ACACB: variants seen among roughly 807,000 people sequenced by gnomAD.
ACACB encodes acetyl-CoA carboxylase 2.
ACACB carries 209 observed loss-of-function variants against 278.8 expected under a neutral mutation model. That is an observed-to-expected ratio of 0.75 (90% CI 0.67 to 0.84). The LOEUF is 0.84. ACACB is among the 40% of genes least tolerant of loss of function. ACACB has a pLI of 0.00. For synonymous variants in ACACB, 1,174 were observed against 1,285.6 expected, an observed-to-expected ratio of 0.91 and a Z score of 1.86; for missense variants, 2,850 against 3,269.0, an observed-to-expected ratio of 0.87 and a Z score of 3.13.
At chr12:109,214,850 C>A (rs1299676827) in intron 22 of ACACB, among the ~76,000 whole-genome samples, 1 of 152,172 alleles carries the variant, frequency 6.6e-6, no homozygotes, top group Non-Finnish European at 1.5e-5. Flanking sequence ...ATAATCCCAG[C>A]ACTTTGGGAG....
intron 16 of ACACB, among the ~76,000 whole-genome samples, chr12:109,194,511 C>CGTGTGTGTGTGTGTGTGT (rs529461816): frequency 1.8e-5 from 1 of 54,282 alleles, no homozygotes; most frequent in Non-Finnish European, 3.8e-5. Flanking sequence ...TCTGTGTGTG[C>CGTGTGTGTGTGTGTGTGT]ATGTGTGTGT....
chr12:109,265,221 C>T lies in ACACB; in HGVS notation c.7054C>T (p.His2352Tyr), dbSNP rs200707789. The T allele has an allele frequency of 1.2e-6, 2 of 1,613,580 alleles. No individual in the cohort carries two copies. The highest frequency in any genetic ancestry group is 2.7e-5 in the African/African-American group (2 of 74,940). ...EILQASGELS[H>Y]VHIQSMLRRW... is the part of the protein sequence containing the mutation. ...CCTGCAGGCCAGCGGGGAGCTGAGT[C>T]ACGTGCATATCCAGTCCATGCTGCG... Residue 2352 changes from histidine (H) to tyrosine (Y), a missense_variant, in exon 51 of 53, where the codon CAC becomes TAC. His to Tyr is a moderately conservative substitution (Grantham distance 83). This residue lies in a region of ACACB where 579 missense variants were observed against 684.6 expected (regional missense o/e 0.85). Coordinates refer to ENST00000338432, the MANE Select transcript of ACACB (RefSeq NM_001093.4).
chr12:109,171,463 C>A (rs1020723979), intron 4 of ACACB, among the ~76,000 whole-genome samples: 3 of 152,246 alleles, frequency 2.0e-5, no homozygotes, highest in Non-Finnish European at 4.4e-5. Context: ...GATTCTCCTA[C>A]CTCAGCCTCC....
At chr12:109,137,638 C>T (rs976133699) in intron 1 of ACACB, among the ~76,000 whole-genome samples, 18 of 149,720 alleles carry the variant, frequency 1.2e-4, no homozygotes, top group African/African-American at 3.0e-4. Flanking sequence ...CCCACCTGGG[C>T]GACAGGGTCA....
chr12:109,251,690 G>GT (rs1029056358), intron 41 of ACACB, among the ~76,000 whole-genome samples: 4 of 152,134 alleles, frequency 2.6e-5, no homozygotes, highest in Non-Finnish European at 4.4e-5. Context: ...AATTTCACCA[G>GT]TTTTTACATG....
chr12:109,126,997 T>A (rs945057827), intron 1 of ACACB, among the ~76,000 whole-genome samples: 6 of 152,222 alleles, frequency 3.9e-5, no homozygotes, highest in Admixed American at 1.3e-4. Flanking sequence ...AGAGATGTAG[T>A]AATCTTTTGC....
intron 34 of ACACB, 116 bp downstream of exon 34, chr12:109,237,496 C>A: frequency 9.1e-7 from 1 of 1,103,088 alleles, no homozygotes; most frequent in Non-Finnish European, 1.3e-6. Context: ...CACCAACACC[C>A]AGGGTCCTGC....
chr12:109,237,039 A>G (rs544347432), intron 33 of ACACB, 126 bp from the exon 34 acceptor site: 3 of 897,458 alleles, frequency 3.3e-6, no homozygotes, highest in East Asian at 4.8e-5. Context: ...TGAATGCTGC[A>G]TTCCTGAGTG....
At chr12:109,156,354 A>AC (rs770578636) in intron 2 of ACACB, among the ~76,000 whole-genome samples, 13 of 151,560 alleles carry the variant, frequency 8.6e-5, no homozygotes, top group East Asian at 5.8e-4. Flanking sequence ...ACATAGTGAG[A>AC]CCCCCATCTC....
chr12:109,166,801 G>A lies in ACACB; in HGVS notation c.654-60G>A, dbSNP rs114166382. ...CTGCTCCACTGGCTTTACAGGTGCC[G>A]AGCTCTGAGTCCCAGGCTTCTTCCC... is the stretch of plus-strand genomic sequence containing the variant. On this transcript the variant is annotated intron_variant, in intron 2 of 52. Transcript: ENST00000338432. 750 of 1,610,706 alleles carry A rather than the reference G, an allele frequency of 4.7e-4. 7 individuals are homozygous for A. The African/African-American group carries it at 8.7e-3, about 19-fold the overall frequency.
At chr12:109,158,573 G>T (rs1206434738) in intron 2 of ACACB, among the ~76,000 whole-genome samples, 1 of 152,190 alleles carries the variant, frequency 6.6e-6, no homozygotes, top group African/African-American at 2.4e-5. Context: ...CTACTCAGGA[G>T]GCTGAGGTGG....
intron 2 of ACACB, among the ~76,000 whole-genome samples, chr12:109,156,460 C>T (rs944049620): frequency 1.3e-5 from 2 of 149,986 alleles, no homozygotes; most frequent in Non-Finnish European, 3.0e-5. Context: ...CCTGGGAGAT[C>T]GAGGCTGTAG....
At chr12:109,211,110 C>T (rs2045833130) in intron 21 of ACACB, among the ~76,000 whole-genome samples, 2 of 152,018 alleles carry the variant, frequency 1.3e-5, no homozygotes, top group Non-Finnish European at 2.9e-5. Context: ...TGCCTTCCTG[C>T]CCTCTGGTGG....
intron 22 of ACACB, among the ~76,000 whole-genome samples, chr12:109,213,714 C>G (rs977189134): frequency 3.3e-5 from 5 of 152,136 alleles, no homozygotes; most frequent in African/African-American, 4.8e-5. Context: ...TCTGCTGCCT[C>G]AGCCTCCCGA....
At position 109,185,520 on chromosome 12, in the gene ACACB, G is replaced by A. The variant is rs2044623253; in HGVS notation, c.1819-59G>A. 3.8e-6 allele frequency: 6 copies of A among 1,597,686 alleles called. No homozygotes were observed. In the South Asian group the frequency reaches 6.6e-5, roughly 18 times the overall value. Reference sequence around the variant, plus strand: ...CGTTGCATCTACCACTGTGCCTGGTGTTTTGGGGCCGTGTTCTGGTAGGAC... The same window carrying A: ...CGTTGCATCTACCACTGTGCCTGGTATTTTGGGGCCGTGTTCTGGTAGGAC... On this transcript the variant is annotated intron_variant, in intron 11 of 52. Coordinates refer to ENST00000338432, the MANE Select transcript of ACACB (RefSeq NM_001093.4).
At chr12:109,124,381 A>G (rs1426927640) in intron 1 of ACACB, among the ~76,000 whole-genome samples, 1 of 152,228 alleles carries the variant, frequency 6.6e-6, no homozygotes, top group Non-Finnish European at 1.5e-5. Flanking sequence ...CTATACCTAT[A>G]AATAAGTACT....
Position 109,239,962 on chromosome 12 carries a change from A to G in ACACB, c.4795A>G (p.Thr1599Ala). Residue 1599 changes from threonine (T) to alanine (A), a missense_variant, in exon 35 of 53, where the codon ACT (threonine) becomes GCT (alanine). Physicochemically the swap from Thr to Ala is moderately conservative, Grantham distance 58. Transcript: ENST00000338432. Reference protein sequence around the residue: ...CNHIFLNFVPTVIMDPFKIEE... With the variant: ...CNHIFLNFVPAVIMDPFKIEE... Reference sequence around the variant, plus strand: ...CCACATCTTCCTCAACTTCGTGCCCACTGTCATCATGGACCCCTTCAAGGT... The same window carrying G: ...CCACATCTTCCTCAACTTCGTGCCCGCTGTCATCATGGACCCCTTCAAGGT... 6.2e-7 allele frequency: 1 copy of G among 1,614,088 alleles called. No individual in the cohort carries two copies. Among genetic ancestry groups the G allele is most frequent in the Non-Finnish European group, 8.5e-7 (1 of 1,179,988 alleles).
At chr12:109,240,324 G>C (rs1179838649) in intron 35 of ACACB, among the ~76,000 whole-genome samples, 1 of 152,068 alleles carries the variant, frequency 6.6e-6, no homozygotes, top group Non-Finnish European at 1.5e-5. Flanking sequence ...GTGGCTGAAT[G>C]TTCCCTGTCA....
chr12:109,264,401 T>A lies in ACACB; in HGVS notation c.6942+15T>A. The A allele has an allele frequency of 6.2e-7, 1 of 1,609,174 alleles. No homozygotes were observed. The highest frequency in any genetic ancestry group is 8.5e-7 in the Non-Finnish European group (1 of 1,177,456). On this transcript the variant is annotated intron_variant, in intron 50 of 52. Coordinates refer to ENST00000338432, the MANE Select transcript of ACACB (RefSeq NM_001093.4). Reference sequence around the variant, plus strand: ...GCGTCATATCTGTGAGAGCCACAGCTGCCGTGTAGGGTGCAAAGAGCCCAC... The same window carrying A: ...GCGTCATATCTGTGAGAGCCACAGCAGCCGTGTAGGGTGCAAAGAGCCCAC...
Sources: allele counts gnomAD v4.1 joint callset (sites outside exome capture counted in the v4.1 genomes callset), GRCh38; gene constraint gnomAD v4.1.1; regional missense constraint gnomAD v4.1.1; transcripts MANE v1.5; gene names NCBI Gene and HGNC (gene_info 2026-07-23, HGNC 2026-07-21).